Variants in PKD2L2 observed in about 807,000 individuals in gnomAD.
PKD2L2 encodes the protein polycystin-2-like protein 2.
In PKD2L2, 67 loss-of-function variants were observed where a neutral mutation model predicts 83.9. The ratio of observed to expected loss-of-function variants is 0.80; its 90% CI spans 0.66 to 0.98. PKD2L2 has a LOEUF of 0.98. PKD2L2 is among the 50% of genes least tolerant of loss of function. The probability of loss-of-function intolerance (pLI) is 0.00; values close to 1 mark genes in which losing one functional copy is unlikely to be tolerated. For missense variants in PKD2L2, 632 were observed against 717.2 expected (o/e 0.88, Z 1.36); for synonymous variants, 223 against 237.8 (o/e 0.94, Z 0.57).
In PKD2L2 at chr5:137,939,792, T is replaced by C. The variant is rs564114888; in HGVS notation, c.*18-2592T>C. ...TTTTATAGGCTTTTCTTTCAAATTT[T>C]CAGTCATTCTGTAAGAAAAAGGCAA... On this transcript the variant is annotated intron_variant, in intron 14 of 14. Transcript: ENST00000508883. The C allele has an allele frequency of 1.7e-5, 19 of 1,141,706 alleles. No homozygotes were observed. The African/African-American group carries it at 3.0e-4, about 18-fold the overall frequency. 70.7% of individuals were successfully genotyped at this position (1,141,706 alleles called of 1,614,324 possible).
chr5:137,919,514 C>T (rs1561696321), intron 8 of PKD2L2, among the ~76,000 whole-genome samples: 2 of 148,502 alleles, frequency 1.3e-5, no homozygotes, highest in African/African-American at 4.9e-5. Context: ...GTTCCTTCAT[C>T]TTTTTTTTTT....
At chr5:137,907,947 A>G in intron 7 of PKD2L2, 35 bp downstream of exon 7, 2 of 883,832 alleles carry the variant, frequency 2.3e-6, no homozygotes, top group Non-Finnish European at 3.3e-6. Flanking sequence ...TAATACAAGC[A>G]GTGTAATAGC....
chr5:137,939,262 A>C (rs1760988163), intron 14 of PKD2L2: 1 of 152,610 alleles, frequency 6.6e-6, no homozygotes, highest in Non-Finnish European at 1.5e-5. Context: ...GGTACATGTG[A>C]AAATGCAGTG....
chr5:137,937,872 T>C (rs1760612721), intron 14 of PKD2L2: 2 of 152,036 alleles, frequency 1.3e-5, no homozygotes, highest in African/African-American at 4.8e-5. Context: ...GGTGGGATCA[T>C]TTAAACAAAG....
In PKD2L2 at chr5:137,894,440, A is replaced by T. The variant is rs1580887775; in HGVS notation, c.355A>T (p.Ile119Phe). The part of the protein sequence containing the change: ...QLYNLKNSSR[I>F]YYENILLGVP... Reference sequence around the variant, plus strand: ...GTATAATTTAAAGAACAGCAGTCGCATCTACTATGAAAATATACTTCTAGG... The same window carrying T: ...GTATAATTTAAAGAACAGCAGTCGCTTCTACTATGAAAATATACTTCTAGG... The change falls in exon 4 of 15, where the codon ATC becomes TTC. Residue 119 changes from isoleucine to phenylalanine, a missense_variant. This residue lies in a region of PKD2L2 where 229 missense variants were observed against 281.5 expected (regional missense o/e 0.81). Transcript: ENST00000508883. The T allele has an allele frequency of 6.2e-7, 1 of 1,613,498 alleles. No homozygotes were observed. The highest frequency in any genetic ancestry group is 1.3e-5 in the African/African-American group (1 of 74,946).
intron 4 of PKD2L2, among the ~76,000 whole-genome samples, chr5:137,897,309 G>A (rs1023802181): frequency 2.6e-5 from 4 of 151,892 alleles, no homozygotes; most frequent in African/African-American, 7.2e-5. Flanking sequence ...CACCCGCCTC[G>A]GCCTCCCAAA....
intron 8 of PKD2L2, among the ~76,000 whole-genome samples, chr5:137,919,193 GT>G (rs1758665541): frequency 6.6e-6 from 1 of 152,114 alleles, no homozygotes; most frequent in Non-Finnish European, 1.5e-5. Context: ...TCTATCTAAA[GT>G]TAACAGGGCC....
intron 12 of PKD2L2, among the ~76,000 whole-genome samples, chr5:137,934,506 A>C (rs1760141477): frequency 6.6e-6 from 1 of 152,136 alleles, no homozygotes; most frequent in Non-Finnish European, 1.5e-5. Flanking sequence ...ATCCTTTCCT[A>C]CTTCGAATAT....
intron 14 of PKD2L2, chr5:137,937,881 A>G (rs1760614513): frequency 6.6e-6 from 1 of 151,450 alleles, no homozygotes; most frequent in South Asian, 2.1e-4. Flanking sequence ...ATTTAAACAA[A>G]GCCTAAGCTG....
chr5:137,910,652 TGCCTGTAATCCCA>T, intron 8 of PKD2L2, among the ~76,000 whole-genome samples: 1 of 151,848 alleles, frequency 6.6e-6, no homozygotes, highest in African/African-American at 2.4e-5. Flanking sequence ...TGGTGGTGTA[TGCCTGTAATCCCA>T]GCTACTCAGG....
chr5:137,923,485 A>G lies in PKD2L2; in HGVS notation c.1515A>G (p.Arg505=). 2 of 1,571,464 alleles carry G rather than the reference A, an allele frequency of 1.3e-6. No homozygotes were observed. The highest frequency in any genetic ancestry group is 2.2e-5 in the South Asian group (2 of 90,216). Residue 505 remains arginine, a synonymous_variant, in exon 10 of 15, where the codon AGA becomes AGG. Transcript: ENST00000508883. ...TGAAAGCTGACTATTCAATAGGCAG[A>G]AGGCTAGATTTTGAACTTGGCAAAA... ...SEVKADYSIG[R]RLDFELGKMI... is the part of the protein sequence containing the mutation.
At chr5:137,906,565 G>A in intron 6 of PKD2L2, 131 bp downstream of exon 6, 1 of 570,800 alleles carries the variant, frequency 1.8e-6, no homozygotes, top group Non-Finnish European at 3.1e-6. Flanking sequence ...AACATAAAAT[G>A]TACTGGGAAT....
chr5:137,919,158 T>C (rs967594842), intron 8 of PKD2L2, among the ~76,000 whole-genome samples: 8 of 142,734 alleles, frequency 5.6e-5, no homozygotes, highest in African/African-American at 2.0e-4. Flanking sequence ...ATACTTTTAG[T>C]TATTTTAATT....
chr5:137,938,420 G>C (rs1436633311), intron 14 of PKD2L2: 1 of 152,596 alleles, frequency 6.6e-6, no homozygotes. Context: ...CATAAAATTA[G>C]ATGTTTGGAT....
chr5:137,918,205 C>T (rs1758557392), intron 8 of PKD2L2, among the ~76,000 whole-genome samples: 1 of 152,178 alleles, frequency 6.6e-6, no homozygotes, highest in Non-Finnish European at 1.5e-5. Context: ...AAGGATCACC[C>T]TGAGTTGTGC....
chr5:137,905,681 C>T (rs764773153), intron 5 of PKD2L2, among the ~76,000 whole-genome samples: 22 of 152,086 alleles, frequency 1.4e-4, no homozygotes, highest in Middle Eastern at 6.8e-3. Context: ...TCTTTGTATC[C>T]GCATCCAACA....
chr5:137,932,913 T>C (rs1471409907), intron 12 of PKD2L2, among the ~76,000 whole-genome samples: 2 of 152,182 alleles, frequency 1.3e-5, no homozygotes, highest in Admixed American at 6.5e-5. Context: ...CAATCTGTAC[T>C]TCTTGAGTGG....
At position 137,890,448 on chromosome 5, in the gene PKD2L2, ATGTAAAGAAAAATTTT is replaced by A; in HGVS notation, c.32-32_32-17del. 2 of 1,164,494 alleles carry A rather than the reference ATGTAAAGAAAAATTTT, an allele frequency of 1.7e-6. No homozygotes were observed. Among genetic ancestry groups the A allele is most frequent in the Non-Finnish European group, 2.5e-6 (2 of 793,376 alleles). The allele number at this position is 1,164,494 out of a possible 1,614,324, so 72.1% of individuals were successfully genotyped here. ...GTTGTCACTTATAAATTACATAATA[ATGTAAAGAAAAATTTT>A]GTCTTATATCTCACAGGGGCTTCGA... On this transcript the variant is annotated splice_polypyrimidine_tract_variant and intron_variant, in intron 1 of 14. Transcript: ENST00000508883.
At position 137,894,351 on chromosome 5, in the gene PKD2L2, A is replaced by C; in HGVS notation, c.268-2A>C. 6.3e-7 allele frequency: 1 copy of C among 1,587,692 alleles called. No homozygotes were observed. Among genetic ancestry groups the C allele is most frequent in the Non-Finnish European group, 8.5e-7 (1 of 1,172,502 alleles). On this transcript the variant is annotated splice_acceptor_variant, in intron 3 of 14. Transcript: ENST00000508883. LOFTEE classifies it high-confidence loss of function. ...CCATGACATTTGTTTTTCTCTGTGG[A>C]GTTTATGGAAGGACCCCTTTTGGAA...
Sources: gnomAD v4.1 joint callset for allele counts (sites outside exome capture counted in the v4.1 genomes callset) on GRCh38, gnomAD v4.1.1 for gene constraint, gnomAD v4.1.1 regional missense constraint, MANE v1.5 for transcripts, NCBI Gene and HGNC (gene_info 2026-07-23, HGNC 2026-07-21) for gene names.